The following ACACB variants were observed in gnomAD, a reference collection of about 807,000 sequenced individuals.
ACACB encodes acetyl-CoA carboxylase beta, also known as acetyl-CoA carboxylase 2.
In ACACB, 209 loss-of-function variants were observed where a neutral mutation model predicts 278.8. The ratio of observed to expected loss-of-function variants is 0.75; its 90% confidence interval spans 0.67 to 0.84. The LOEUF (loss-of-function observed/expected upper bound fraction) is 0.84, where lower values mean the gene tolerates loss of function less well. Ranked by LOEUF, ACACB falls within the 40% of genes least tolerant of loss-of-function variation. The pLI is 0.00. For synonymous variants in ACACB, 1,174 were observed against 1,285.6 expected, an observed-to-expected ratio of 0.91 and a Z score of 1.86; for missense variants, 2,850 against 3,269.0, an observed-to-expected ratio of 0.87 and a Z score of 3.13.
Position 109,191,711 on chromosome 12 carries a change from A to T in ACACB, c.2243A>T (p.Asn748Ile). 1 of 1,614,224 alleles carries T rather than the reference A, an allele frequency of 6.2e-7. No individual in the cohort carries two copies. Among genetic ancestry groups the T allele is most frequent in the Non-Finnish European group, 8.5e-7 (1 of 1,180,038 alleles). Residue 748 changes from asparagine to isoleucine, a missense_variant, in exon 14 of 53, where the codon AAC (asparagine) becomes ATC (isoleucine). Asn to Ile is a moderately radical substitution (Grantham distance 149, BLOSUM62 -3). This residue lies in a region of ACACB where 2,265 missense variants were observed against 2,561.3 expected (regional missense o/e 0.88). Transcript: ENST00000338432. ...INLLETESFQ[N>I]NDIDTGWLDY... ...CTCCTGGAGACCGAGAGCTTCCAGA[A>T]CAACGACATCGACACCGGGTGGTTG...
intron 42 of ACACB, 22 bp from the exon 43 acceptor site, chr12:109,252,993 T>C (rs775170023): frequency 3.8e-6 from 6 of 1,589,568 alleles, no homozygotes; most frequent in Non-Finnish European, 4.3e-6. Context: ...AGGACATTGC[T>C]AACCATGTTG....
chr12:109,176,741 T>C (rs925704418), intron 9 of ACACB, among the ~76,000 whole-genome samples: 1 of 152,184 alleles, frequency 6.6e-6, no homozygotes, highest in African/African-American at 2.4e-5. Context: ...CTCAGCCTCC[T>C]GAGTAGCTGG....
At chr12:109,243,893 A>ATATT (rs1555231793) in intron 37 of ACACB, among the ~76,000 whole-genome samples, 91 of 144,984 alleles carry the variant, frequency 6.3e-4, no homozygotes, top group South Asian at 4.1e-3. Context: ...ATATATATAT[A>ATATT]TATTTATTTA....
At position 109,206,428 on chromosome 12, in the gene ACACB, C is replaced by CA. The variant is rs35315851; in HGVS notation, c.2914-266dup. Among the ~76,000 whole-genome samples, 205 of 89,698 alleles carry CA rather than the reference C, an allele frequency of 2.3e-3. 3 individuals carry two copies. Among genetic ancestry groups the CA allele is most frequent in the Admixed American group, 2.7e-3 (22 of 8,028 alleles). The allele number at this position is 89,698 out of a possible 152,430, so 58.8% of individuals were successfully genotyped here. A position where few individuals can be genotyped will look rare whatever the true frequency, so the allele number is the denominator to read the frequency against. On this transcript the variant is annotated intron_variant, in intron 19 of 52. Transcript: ENST00000338432. ...CAGCCTGGGGACAATGCGAGTGTCT[C>CA]AAAAAAAAAAAAAAAACAGATCTCA...
intron 19 of ACACB, among the ~76,000 whole-genome samples, chr12:109,206,428 C>CAAAAAAAAAAAAAAAAAAAAAA (rs35315851): frequency 4.5e-5 from 4 of 89,774 alleles, no homozygotes; most frequent in Non-Finnish European, 6.4e-5. Flanking sequence ...GCGAGTGTCT[C>CAAAAAAAAAAAAAAAAAAAAAA]AAAAAAAAAA....
chr12:109,258,859 G>A, intron 46 of ACACB, 114 bp from the exon 47 acceptor site: 1 of 1,352,350 alleles, frequency 7.4e-7, no homozygotes, highest in South Asian at 1.4e-5. Flanking sequence ...CTCTGGTGCT[G>A]GGGCCAGCAC....
At chr12:109,210,210 T>TATATACACACGTGTGTATATGTAC (rs1555222963) in intron 21 of ACACB, among the ~76,000 whole-genome samples, 2 of 40,840 alleles carry the variant, frequency 4.9e-5, no homozygotes, top group African/African-American at 1.2e-4. Flanking sequence ...TATATATGTA[T>TATATACACACGTGTGTATATGTAC]ATATACACAC....
chr12:109,262,950 T>TTATATATACATATATATATA (rs2047417824), intron 49 of ACACB: 5 of 62,470 alleles, frequency 8.0e-5, no homozygotes, highest in African/African-American at 1.9e-4. Flanking sequence ...CTTTTTAACA[T>TTATATATACATATATATATA]TATATATATA....
At chr12:109,163,072 C>T (rs1429229146) in intron 2 of ACACB, among the ~76,000 whole-genome samples, 16 of 152,178 alleles carry the variant, frequency 1.1e-4, no homozygotes, top group African/African-American at 3.6e-4. Flanking sequence ...TACAGGTGCA[C>T]GCCACCAAGC....
chr12:109,171,969 G>T (rs1381686219), intron 5 of ACACB, 55 bp downstream of exon 5: 2 of 1,431,474 alleles, frequency 1.4e-6, no homozygotes, highest in Non-Finnish European at 2.0e-6. Context: ...GATGCCCCTA[G>T]GTTCTAGTTC....
rs140537089 is a variant in ACACB, at chr12:109,193,666, G to A, written c.2418G>A (p.Ala806=). ...CTTTCAGGGGCCAGGTCCTCCCAGC[G>A]GATTCACTACTGAACCTCGTAGATG... The part of the protein sequence containing the change: ...HSLERGQVLP[A]DSLLNLVDVE... The change falls in exon 16 of 53, where the codon GCG becomes GCA. Residue 806 remains alanine, a synonymous_variant. Transcript: ENST00000338432. The A allele has an allele frequency of 1.4e-5, 23 of 1,613,706 alleles. No homozygotes were observed. In the East Asian group the frequency reaches 1.8e-4, roughly 13 times the overall value.
intron 2 of ACACB, among the ~76,000 whole-genome samples, chr12:109,165,882 G>A (rs1239371028): frequency 6.6e-6 from 1 of 152,208 alleles, no homozygotes; most frequent in Non-Finnish European, 1.5e-5. Flanking sequence ...GGACTATGGA[G>A]ATGTGTAATT....
intron 11 of ACACB, among the ~76,000 whole-genome samples, chr12:109,180,531 G>T (rs1260640023): frequency 1.3e-5 from 2 of 152,126 alleles, no homozygotes; most frequent in African/African-American, 2.4e-5. Flanking sequence ...ATGTGATCCA[G>T]AGTTGTAACC....
chr12:109,184,352 C>T (rs1000549783), intron 11 of ACACB, among the ~76,000 whole-genome samples: 2 of 152,024 alleles, frequency 1.3e-5, no homozygotes, highest in African/African-American at 4.8e-5. Flanking sequence ...TGTGCCCGGC[C>T]GTGGGCTCAA....
At chr12:109,230,912 C>T (rs997645253) in intron 28 of ACACB, among the ~76,000 whole-genome samples, 1 of 152,174 alleles carries the variant, frequency 6.6e-6, no homozygotes, top group African/African-American at 2.4e-5. Context: ...TGGGGGATTC[C>T]TGGCCATCTA....
chr12:109,181,832 T>C lies in ACACB; in HGVS notation c.1818+1745T>C, dbSNP rs548005271. ...TAGCACTTCTTTTTCTGTTTTCTTTTTCCTTTCCTTTTTTTTTTTTTTTTT... is the reference window on the plus strand; with the variant it reads ...TAGCACTTCTTTTTCTGTTTTCTTTCTCCTTTCCTTTTTTTTTTTTTTTTT... On this transcript the variant is annotated intron_variant, in intron 11 of 52. Transcript: ENST00000338432. 1.5e-4 allele frequency among the ~76,000 whole-genome samples: 18 copies of C among 118,134 alleles called. No homozygotes were observed. In the South Asian group the frequency reaches 4.7e-3, roughly 31 times the overall value. The allele number at this position is 118,134 out of a possible 152,430, so 77.5% of individuals were successfully genotyped here. A position where few individuals can be genotyped will look rare whatever the true frequency, so the allele number is the denominator to read the frequency against.
chr12:109,143,696 G>A (rs779179887), intron 2 of ACACB, among the ~76,000 whole-genome samples: 1 of 152,104 alleles, frequency 6.6e-6, no homozygotes. Context: ...AGAATCAGGG[G>A]CTTCTGACAG....
At chr12:109,246,544 CACTT>C (rs1228988563) in intron 39 of ACACB, 96 bp downstream of exon 39, 14 of 1,446,572 alleles carry the variant, frequency 9.7e-6, no homozygotes, top group Middle Eastern at 5.0e-4. Context: ...AAAAAAATCT[CACTT>C]ATGTATAAAG....
rs1491176737 is a variant in ACACB, at chr12:109,243,895, ATT to A, written c.5178+1305_5178+1306del. Among the ~76,000 whole-genome samples, 22 of 144,186 alleles carry A rather than the reference ATT, an allele frequency of 1.5e-4. 1 individual carries two copies. Among genetic ancestry groups the A allele is most frequent in the African/African-American group, 5.2e-4 (21 of 40,018 alleles). The allele number at this position is 144,186 out of a possible 152,430, so 94.6% of individuals were successfully genotyped here. ...AATGACATTATATATATATATATAT[ATT>A]TATTTATTTATTTATTATACTTTAA... On this transcript the variant is annotated intron_variant, in intron 37 of 52. Coordinates refer to ENST00000338432, the MANE Select transcript of ACACB (RefSeq NM_001093.4).
Sources: gnomAD v4.1 joint callset for allele counts (sites outside exome capture counted in the v4.1 genomes callset) on GRCh38, gnomAD v4.1.1 for gene constraint, gnomAD v4.1.1 regional missense constraint, MANE v1.5 for transcripts, NCBI Gene and HGNC (gene_info 2026-07-23, HGNC 2026-07-21) for gene names.